Variants in PNPLA1 observed in about 807,000 individuals in gnomAD.
The protein encoded by PNPLA1 is omega-hydroxyceramide transacylase.
Under a neutral mutation model 51.7 loss-of-function variants are expected in PNPLA1, and 36 were observed. That is an observed-to-expected ratio of 0.70 (90% CI 0.53 to 0.92). The LOEUF (loss-of-function observed/expected upper bound fraction) is 0.92. PNPLA1 is among the 40% of genes least tolerant of loss of function. PNPLA1 has a pLI of 0.00. For synonymous variants in PNPLA1, 293 were observed against 280.1 expected, an observed-to-expected ratio of 1.05 and a Z score of -0.46; for missense variants, 658 against 682.5, an observed-to-expected ratio of 0.96 and a Z score of 0.40.
intron 8 of PNPLA1, chr6:36,308,378 GA>G (rs898533645): frequency 5.3e-5 from 8 of 151,384 alleles, no homozygotes; most frequent in Non-Finnish European, 8.8e-5. Context: ...ACCCCATCTC[GA>G]AAAAAAACAA....
rs915801308 is a variant in PNPLA1 at position 36,312,039 on chromosome 6, A to T, written c.*153A>T. 6.6e-6 allele frequency: 1 copy of T among 152,606 alleles called. No homozygotes were observed. Among genetic ancestry groups the T allele is most frequent in the African/African-American group, 2.4e-5 (1 of 41,450 alleles). 9.5% of individuals were successfully genotyped at this position (152,606 alleles called of 1,614,324 possible). A position where few individuals can be genotyped will look rare whatever the true frequency, so the allele number is the denominator to read the frequency against. On this transcript the variant is annotated 3_prime_UTR_variant, in exon 9 of 9. Coordinates refer to ENST00000636260, the MANE Select transcript of PNPLA1 (RefSeq NM_001374623.1). ...GCAGTACCTTTTATACTAAGAAAAT[A>T]GCACCTCTTCCTGGAGAACCTGACT...
chr6:36,282,220 A>AGGAAGGAAGGAAGGAAGGAG (rs1770336528), intron 1 of PNPLA1, among the ~76,000 whole-genome samples: 1 of 147,856 alleles, frequency 6.8e-6, no homozygotes, highest in Non-Finnish European at 1.5e-5. Flanking sequence ...AAGGGAAGGA[A>AGGAAGGAAGGAAGGAAGGAG]GGAAGGAAGG....
chr6:36,273,195 G>A (rs561011686), intron 1 of PNPLA1, among the ~76,000 whole-genome samples: 9 of 151,900 alleles, frequency 5.9e-5, no homozygotes, highest in East Asian at 5.8e-4. Context: ...CAGTGAGATC[G>A]CGCTACTACA....
intron 5 of PNPLA1, among the ~76,000 whole-genome samples, chr6:36,296,399 A>T (rs1052629424): frequency 2.0e-5 from 3 of 152,214 alleles, no homozygotes; most frequent in African/African-American, 7.2e-5. Context: ...TTGTTGCCAC[A>T]TGTCTTTGTG....
At chr6:36,298,891 A>C (rs1054658544) in intron 5 of PNPLA1, among the ~76,000 whole-genome samples, 4 of 152,200 alleles carry the variant, frequency 2.6e-5, no homozygotes, top group African/African-American at 9.7e-5. Flanking sequence ...GGCACACGCC[A>C]CCACGTCCAG....
At chr6:36,301,723 C>A in intron 5 of PNPLA1, 138 bp from the exon 6 acceptor site, 1 of 1,203,126 alleles carries the variant, frequency 8.3e-7, no homozygotes, top group Non-Finnish European at 1.2e-6. Context: ...TGTTTTCACT[C>A]ACTGTAAATT....
At chr6:36,285,242 G>T (rs1561861044) in intron 1 of PNPLA1, among the ~76,000 whole-genome samples, 1 of 152,220 alleles carries the variant, frequency 6.6e-6, no homozygotes. Context: ...CTCCCCAGGG[G>T]CTGCTGCGCC....
chr6:36,295,564 G>T (rs1770834856), intron 5 of PNPLA1, 140 bp downstream of exon 5: 2 of 914,400 alleles, frequency 2.2e-6, no homozygotes, highest in East Asian at 2.6e-5. Context: ...TGGAAATGGG[G>T]GTGGGGACCT....
chr6:36,247,932 C>T (rs889333152), intron 1 of PNPLA1, among the ~76,000 whole-genome samples: 1 of 152,152 alleles, frequency 6.6e-6, no homozygotes, highest in Non-Finnish European at 1.5e-5. Context: ...TAACCACTTA[C>T]CTCTTCCAAG....
Position 36,270,593 on chromosome 6 carries a change from C to G in PNPLA1, c.134C>G (p.Thr45Arg). ...GACCTGGCCCCCCGGATGCTGGAAA[C>G]AGCCCACCGCTTTGCGGGGACATCG... Reference protein sequence around the residue: ...LRDLAPRMLETAHRFAGTSAG... With the variant: ...LRDLAPRMLERAHRFAGTSAG... The change falls in exon 1 of 9, where the codon ACA (threonine) becomes AGA (arginine). Residue 45 changes from threonine (T) to arginine (R), a missense_variant. Thr to Arg is a moderately conservative substitution (Grantham distance 71). Coordinates refer to ENST00000636260, the MANE Select transcript of PNPLA1 (RefSeq NM_001374623.1). The G allele has an allele frequency of 1.3e-6, 2 of 1,551,644 alleles. No homozygotes were observed. Among genetic ancestry groups the G allele is most frequent in the South Asian group, 1.2e-5 (1 of 84,070 alleles).
chr6:36,275,541 G>A (rs1770063913), intron 1 of PNPLA1, among the ~76,000 whole-genome samples: 1 of 152,170 alleles, frequency 6.6e-6, no homozygotes. Flanking sequence ...TTTGCCATGT[G>A]ATAGCCAATT....
At position 36,304,629 on chromosome 6, in the gene PNPLA1, GAAA is replaced by G. The variant is rs539155104; in HGVS notation, c.1385-1643_1385-1641del. On this transcript the variant is annotated intron_variant, in intron 6 of 8. Transcript: ENST00000636260. ...GCGACAGAGTGAGACTCCGTCTCAG[GAAA>G]AAAAAAAAAAAAAAAAAAAGTCAGA... Among the ~76,000 whole-genome samples, 443 of 71,928 alleles carry G rather than the reference GAAA, an allele frequency of 6.2e-3. 3 individuals carry two copies. Among genetic ancestry groups the G allele is most frequent in the Middle Eastern group, 0.061 (9 of 148 alleles). 47.2% of individuals were successfully genotyped at this position (71,928 alleles called of 152,430 possible).
intron 3 of PNPLA1, 83 bp downstream of exon 3, chr6:36,293,209 G>T (rs1211881643): frequency 5.8e-6 from 8 of 1,387,306 alleles, no homozygotes; most frequent in African/African-American, 5.7e-5. Context: ...GGAGCAGGGG[G>T]GTGGTCTCAG....
At chr6:36,258,033 C>T (rs1769567097) in intron 1 of PNPLA1, among the ~76,000 whole-genome samples, 1 of 152,024 alleles carries the variant, frequency 6.6e-6, no homozygotes, top group African/African-American at 2.4e-5. Flanking sequence ...CTACATTGCC[C>T]AGGCTGGTCT....
At chr6:36,252,504 T>G (rs1769442057) in intron 1 of PNPLA1, among the ~76,000 whole-genome samples, 1 of 148,670 alleles carries the variant, frequency 6.7e-6, no homozygotes, top group Non-Finnish European at 1.5e-5. Context: ...GCGACTGGGT[T>G]CAGGGGTTGG....
At chr6:36,256,553 T>C (rs987700108) in intron 1 of PNPLA1, among the ~76,000 whole-genome samples, 1 of 152,126 alleles carries the variant, frequency 6.6e-6, no homozygotes, top group African/African-American at 2.4e-5. Context: ...GTTCAAACAA[T>C]TCTTCTACCT....
intron 6 of PNPLA1, among the ~76,000 whole-genome samples, chr6:36,305,469 TCAG>T (rs1309808824): frequency 1.3e-5 from 2 of 152,158 alleles, no homozygotes; most frequent in African/African-American, 4.8e-5. Context: ...CAAAATAACT[TCAG>T]AAGAACCCAC....
At chr6:36,299,258 A>G (rs1350260596) in intron 5 of PNPLA1, among the ~76,000 whole-genome samples, 1 of 151,142 alleles carries the variant, frequency 6.6e-6, no homozygotes, top group African/African-American at 2.4e-5. Flanking sequence ...CAGTTGTACC[A>G]TGTTTCATTC....
chr6:36,274,104 C>T (rs1007521125), intron 1 of PNPLA1, among the ~76,000 whole-genome samples: 1 of 152,166 alleles, frequency 6.6e-6, no homozygotes, highest in Non-Finnish European at 1.5e-5. Context: ...TATCAGGCAC[C>T]GTTCTACCTC....
Sources: gnomAD v4.1 joint callset for allele counts (sites outside exome capture counted in the v4.1 genomes callset) on GRCh38, gnomAD v4.1.1 for gene constraint, MANE v1.5 for transcripts, NCBI Gene and HGNC (gene_info 2026-07-23, HGNC 2026-07-21) for gene names.